ZNF821: variants seen among roughly 807,000 people sequenced by gnomAD.
ZNF821 encodes the protein zinc finger protein 821.
ZNF821 carries 16 observed loss-of-function variants against 44.3 expected under a neutral mutation model. The ratio of observed to expected loss-of-function variants is 0.36; its 90% CI spans 0.24 to 0.55. The LOEUF is 0.55. Ranked by LOEUF, ZNF821 falls within the 20% of genes least tolerant of loss-of-function variation. The pLI is 0.86. For synonymous variants in ZNF821, 204 were observed against 197.6 expected (o/e 1.03, Z -0.27); for missense variants, 436 against 547.6 (o/e 0.80, Z 2.03).
intron 6 of ZNF821, among the ~76,000 whole-genome samples, chr16:71,862,810 G>GTATTGGGCATGATTACATGATTACA (rs1339467430): frequency 6.6e-6 from 1 of 152,124 alleles, no homozygotes; most frequent in Non-Finnish European, 1.5e-5. Flanking sequence ...CAGGTGCCCT[G>GTATTGGGCATGATTACATGATTACA]TGATTGGATC....
upstream of ZNF821, among the ~76,000 whole-genome samples, chr16:71,888,206 C>A (rs572325110): frequency 3.9e-5 from 6 of 152,106 alleles, no homozygotes; most frequent in South Asian, 1.0e-3. Context: ...TTTGGTATCC[C>A]AAATAAAAAT....
At chr16:71,864,085 C>T in intron 6 of ZNF821, 53 bp downstream of exon 6, 5 of 1,517,550 alleles carry the variant, frequency 3.3e-6, no homozygotes, top group African/African-American at 2.7e-5. Context: ...ATCTGGGCTA[C>T]AGACAAGCTG....
exon 1 of ZNF821, chr16:71,895,103 G>T (rs917157615): frequency 1.6e-5 from 6 of 366,400 alleles, no homozygotes; most frequent in Non-Finnish European, 3.0e-5. Flanking sequence ...TCCACCCAGG[G>T]GGAAAGTCCA....
At position 71,864,888 on chromosome 16, in the gene ZNF821, G is replaced by A. The variant is rs1368576634; in HGVS notation, c.312+15C>T. On this transcript the variant is annotated intron_variant, in intron 5 of 7. Coordinates refer to ENST00000425432, the MANE Select transcript of ZNF821 (RefSeq NM_001201552.2). The stretch of plus-strand genomic sequence containing the variant: ...GGCATTGCTGGACCTGGACCCAGGG[G>A]CCATCGTCACTTGCCTCGTGCTCTA... The A allele has an allele frequency of 1.9e-6, 3 of 1,613,972 alleles. No individual in the cohort carries two copies. The highest frequency in any genetic ancestry group is 2.5e-6 in the Non-Finnish European group (3 of 1,179,908).
At chr16:71,872,130 C>T (rs748735550) in intron 3 of ZNF821, among the ~76,000 whole-genome samples, 1 of 152,014 alleles carries the variant, frequency 6.6e-6, no homozygotes, top group African/African-American at 2.4e-5. Flanking sequence ...TGCGCCCGGC[C>T]TGGTTAAGGT....
chr16:71,866,137 G>A (rs760654723), intron 4 of ZNF821, among the ~76,000 whole-genome samples: 9 of 152,102 alleles, frequency 5.9e-5, no homozygotes, highest in African/African-American at 1.4e-4. Context: ...CCTGATGTGA[G>A]CAAGAGAGAA....
intron 3 of ZNF821, among the ~76,000 whole-genome samples, chr16:71,875,546 C>G (rs1470969061): frequency 1.3e-5 from 2 of 152,022 alleles, no homozygotes; most frequent in Non-Finnish European, 2.9e-5. Flanking sequence ...CTCCACCTCC[C>G]AGGTTCACAC....
At chr16:71,882,975 G>C (rs1047177864) in intron 2 of ZNF821, 15 of 346,444 alleles carry the variant, frequency 4.3e-5, no homozygotes, top group Non-Finnish European at 8.7e-5. Context: ...ACATGGGCTG[G>C]GAAGACAGGT....
intron 1 of ZNF821, chr16:71,890,764 C>CTTTTTTTTTTTTT (rs750537169): frequency 1.5e-5 from 1 of 65,450 alleles, no homozygotes; most frequent in Non-Finnish European, 2.6e-5. Flanking sequence ...CCCCTTCCTG[C>CTTTTTTTTTTTTT]TTTTTTTTTT....
chr16:71,868,371 G>A (rs1342152439), intron 3 of ZNF821, among the ~76,000 whole-genome samples: 1 of 152,208 alleles, frequency 6.6e-6, no homozygotes, highest in Non-Finnish European at 1.5e-5. Context: ...GAAGATAGAG[G>A]CAAGAAGGGG....
intron 5 of ZNF821, among the ~76,000 whole-genome samples, chr16:71,864,488 C>T (rs1292883338): frequency 2.0e-5 from 3 of 152,206 alleles, no homozygotes; most frequent in Non-Finnish European, 4.4e-5. Context: ...ACTCTGCAGA[C>T]AGGGGTAGCG....
Position 71,880,003 on chromosome 16 carries a change from A to C in ZNF821, c.-57T>G. 1 of 1,542,992 alleles carries C rather than the reference A, an allele frequency of 6.5e-7. No homozygotes were observed. Among genetic ancestry groups the C allele is most frequent in the Non-Finnish European group, 8.9e-7 (1 of 1,125,566 alleles). ...CAGTTTCACGACTGGATATGTTACTACCTCCTTGCAAGATGCTAACCTGCA... is the reference window on the plus strand; with the variant it reads ...CAGTTTCACGACTGGATATGTTACTCCCTCCTTGCAAGATGCTAACCTGCA... On this transcript the variant is annotated 5_prime_UTR_variant, in exon 3 of 8. Transcript: ENST00000425432.
chr16:71,863,743 G>T (rs1291156174), intron 6 of ZNF821, among the ~76,000 whole-genome samples: 1 of 151,884 alleles, frequency 6.6e-6, no homozygotes, highest in East Asian at 1.9e-4. Context: ...TGTCACCCAG[G>T]CTGGAGTGTA....
chr16:71,868,074 T>C, intron 3 of ZNF821, 37 bp from the exon 4 acceptor site: 17 of 1,524,598 alleles, frequency 1.1e-5, no homozygotes, highest in Non-Finnish European at 1.5e-5. Flanking sequence ...GGCCACCAGC[T>C]GGGCAGCATA....
At chr16:71,863,895 G>A (rs1202585369) in intron 6 of ZNF821, among the ~76,000 whole-genome samples, 2 of 152,042 alleles carry the variant, frequency 1.3e-5, no homozygotes, top group Non-Finnish European at 2.9e-5. Flanking sequence ...ACAGGGTTTC[G>A]CCATGTTGGC....
intron 2 of ZNF821, among the ~76,000 whole-genome samples, chr16:71,880,933 C>A (rs572023770): frequency 6.6e-6 from 1 of 152,300 alleles, no homozygotes; most frequent in Admixed American, 6.5e-5. Flanking sequence ...CCTGAAGGTT[C>A]CTGATTAACT....
chr16:71,894,785 C>G, intron 1 of ZNF821: 1 of 1,452,698 alleles, frequency 6.9e-7, no homozygotes, highest in South Asian at 1.2e-5. Context: ...ATCCTCCCGC[C>G]CCGCCTCTCA....
intron 1 of ZNF821, among the ~76,000 whole-genome samples, chr16:71,893,139 C>G (rs1280019974): frequency 5.3e-5 from 8 of 149,946 alleles, no homozygotes; most frequent in Non-Finnish European, 1.2e-4. Context: ...ATTCTCCTGC[C>G]TCAGCCTCCC....
upstream of ZNF821, among the ~76,000 whole-genome samples, chr16:71,888,833 T>C (rs1057311382): frequency 6.6e-6 from 1 of 152,198 alleles, no homozygotes; most frequent in African/African-American, 2.4e-5. Flanking sequence ...TTTTTGATCT[T>C]ATATATGAAC....
Sources: allele counts gnomAD v4.1 joint callset (sites outside exome capture counted in the v4.1 genomes callset), GRCh38; gene constraint gnomAD v4.1.1; transcripts MANE v1.5; gene names NCBI Gene and HGNC (gene_info 2026-07-23, HGNC 2026-07-21).